PRKG1: variants seen among roughly 807,000 people sequenced by gnomAD.
PRKG1 encodes the protein protein kinase cGMP-dependent 1.
In PRKG1, 35 loss-of-function variants were observed where a neutral mutation model predicts 88.1. The ratio of observed to expected loss-of-function variants is 0.40; its 90% CI spans 0.30 to 0.53. The LOEUF (loss-of-function observed/expected upper bound fraction) is 0.53, where lower values mean the gene tolerates loss of function less well. PRKG1 is among the 20% of genes least tolerant of loss of function. The pLI is 0.59. For missense variants in PRKG1, 540 were observed against 839.8 expected, an observed-to-expected ratio of 0.64 and a Z score of 4.41; for synonymous variants, 303 against 292.5, an observed-to-expected ratio of 1.04 and a Z score of -0.37.
At chr10:51,703,953 A>G (rs1841536607) in intron 3 of PRKG1, among the ~76,000 whole-genome samples, 1 of 151,986 alleles carries the variant, frequency 6.6e-6, no homozygotes, top group African/African-American at 2.4e-5. Flanking sequence ...CCCGGCCAAC[A>G]TGGTGAAATG....
intron 2 of PRKG1, among the ~76,000 whole-genome samples, chr10:51,205,222 C>T (rs1232195487): frequency 6.9e-6 from 1 of 144,298 alleles, no homozygotes; most frequent in South Asian, 2.2e-4. Flanking sequence ...TCGCTACCAC[C>T]TCTGCCTCCC....
rs56995689 is a variant in PRKG1, at chr10:51,175,465, CA to C, written c.478+22137del. On this transcript the variant is annotated intron_variant, in intron 2 of 17. Coordinates refer to ENST00000373980, the MANE Select transcript of PRKG1 (RefSeq NM_006258.4). ...CAAACATAATTTTATACTTTATCTTCAATTTATTTTCAATTATAAGATTATC... is the reference window on the plus strand; with the variant it reads ...CAAACATAATTTTATACTTTATCTTCATTTATTTTCAATTATAAGATTATC... Among the ~76,000 whole-genome samples, 1,494 of 152,010 alleles carry C rather than the reference CA, an allele frequency of 9.8e-3. 35 individuals carry two copies. The highest frequency in any genetic ancestry group is 0.034 in the African/African-American group (1,406 of 41,496).
At chr10:51,247,014 T>C (rs889068421) in intron 2 of PRKG1, among the ~76,000 whole-genome samples, 17 of 152,044 alleles carry the variant, frequency 1.1e-4, no homozygotes, top group Non-Finnish European at 4.4e-5. Flanking sequence ...TTGTGGATTC[T>C]GGATTTGGGA....
chr10:51,732,465 G>A (rs745820146), intron 3 of PRKG1, among the ~76,000 whole-genome samples: 1 of 152,170 alleles, frequency 6.6e-6, no homozygotes, highest in Non-Finnish European at 1.5e-5. Context: ...TAATAAAGGG[G>A]TGGAAATCCA....
intron 9 of PRKG1, among the ~76,000 whole-genome samples, chr10:52,240,289 T>G (rs1362550077): frequency 1.3e-5 from 2 of 152,158 alleles, no homozygotes; most frequent in African/African-American, 4.8e-5. Context: ...CAGAATGTCC[T>G]AATTCTAGTC....
intron 3 of PRKG1, among the ~76,000 whole-genome samples, chr10:51,605,230 A>G (rs574813765): frequency 2.6e-5 from 4 of 152,174 alleles, no homozygotes; most frequent in Non-Finnish European, 5.9e-5. Context: ...TCAGGTTTAT[A>G]TGGGCACAGG....
At chr10:51,586,364 T>G (rs1040115939) in intron 3 of PRKG1, among the ~76,000 whole-genome samples, 1 of 152,104 alleles carries the variant, frequency 6.6e-6, no homozygotes, top group African/African-American at 2.4e-5. Context: ...ACTGTAGCAT[T>G]TCAGGGAAAA....
chr10:50,999,302 G>A (rs144276843), intron 1 of PRKG1, among the ~76,000 whole-genome samples: 1 of 152,298 alleles, frequency 6.6e-6, no homozygotes, highest in Non-Finnish European at 1.5e-5. Flanking sequence ...GCACTTTCAT[G>A]TGCAAGATGA....
intron 5 of PRKG1, among the ~76,000 whole-genome samples, chr10:52,039,920 C>A (rs1324592173): frequency 5.9e-5 from 9 of 152,128 alleles, no homozygotes. Context: ...GGGGCAAAAT[C>A]CTAAATGACT....
chr10:51,481,102 A>C (rs1840342609), intron 3 of PRKG1, among the ~76,000 whole-genome samples: 1 of 152,068 alleles, frequency 6.6e-6, no homozygotes, highest in South Asian at 2.1e-4. Flanking sequence ...GCTATAAAGG[A>C]ATATTACCGA....
intron 3 of PRKG1, among the ~76,000 whole-genome samples, chr10:51,728,200 T>G (rs920622279): frequency 2.6e-5 from 4 of 152,118 alleles, no homozygotes; most frequent in Non-Finnish European, 5.9e-5. Context: ...TTTGAGATTT[T>G]TTTTTACCCC....
In PRKG1 at chr10:52,094,368, A is replaced by T. The variant is rs1167931629; in HGVS notation, c.935+31737A>T. Among the ~76,000 whole-genome samples, 5 of 151,936 alleles carry T rather than the reference A, an allele frequency of 3.3e-5. No homozygotes were observed. In the South Asian group the frequency reaches 8.3e-4, roughly 25 times the overall value. On this transcript the variant is annotated intron_variant, in intron 7 of 17. Transcript: ENST00000373980. ...GCTGCTAAGCTAATTTCTTTTTTTG[A>T]TATTTTTATTTAATCACTATACATT...
chr10:51,371,142 A>G (rs987089526), intron 2 of PRKG1, among the ~76,000 whole-genome samples: 2 of 152,072 alleles, frequency 1.3e-5, no homozygotes, highest in African/African-American at 2.4e-5. Flanking sequence ...AAGGGTCTAT[A>G]AGGTCCGTGA....
intron 8 of PRKG1, among the ~76,000 whole-genome samples, chr10:52,144,625 A>T (rs1837679549): frequency 6.6e-6 from 1 of 152,144 alleles, no homozygotes; most frequent in Admixed American, 6.5e-5. Flanking sequence ...AGCCTGGCCA[A>T]CATGGTGAAA....
chr10:51,901,056 C>T (rs79205766), intron 4 of PRKG1, among the ~76,000 whole-genome samples: 8,469 of 152,122 alleles, frequency 0.056, 291 homozygotes, highest in Middle Eastern at 0.11. Context: ...AAGAAAATAA[C>T]AACTAGTATA....
At chr10:52,273,226 T>A (rs2132435385) in intron 12 of PRKG1, among the ~76,000 whole-genome samples, 1 of 152,182 alleles carries the variant, frequency 6.6e-6, no homozygotes, top group African/African-American at 2.4e-5. Context: ...TCTCAGGAGA[T>A]CATTATCTAC....
intron 2 of PRKG1, among the ~76,000 whole-genome samples, chr10:51,382,427 C>G (rs1252802395): frequency 1.3e-5 from 2 of 152,102 alleles, no homozygotes; most frequent in African/African-American, 2.4e-5. Flanking sequence ...TGTCTTTAAC[C>G]TCTTGAAATT....
At chr10:51,068,090 A>C (rs911205939) in intron 1 of PRKG1, among the ~76,000 whole-genome samples, 3 of 152,094 alleles carry the variant, frequency 2.0e-5, no homozygotes, top group Non-Finnish European at 1.5e-5. Flanking sequence ...CCCTTGTTTC[A>C]AGAATAATAC....
chr10:51,781,102 C>G lies in PRKG1; in HGVS notation c.593-23483C>G, dbSNP rs115422244. ...ATTCATAATGATTACTGTGTTCTAT[C>G]TAGAGAATAATTGTTGCTAAAACAA... is the stretch of plus-strand genomic sequence containing the variant. On this transcript the variant is annotated intron_variant, in intron 3 of 17. Transcript: ENST00000373980. 3.2e-3 allele frequency among the ~76,000 whole-genome samples: 486 copies of G among 152,138 alleles called. 1 individual carries two copies. Among genetic ancestry groups the G allele is most frequent in the Middle Eastern group, 0.01 (3 of 294 alleles).
Sources: gnomAD v4.1 joint callset for allele counts (sites outside exome capture counted in the v4.1 genomes callset) on GRCh38, gnomAD v4.1.1 for gene constraint, MANE v1.5 for transcripts, NCBI Gene and HGNC (gene_info 2026-07-23, HGNC 2026-07-21) for gene names.